ROBO1: variants seen among roughly 807,000 people sequenced by gnomAD.
The protein encoded by ROBO1 is roundabout homolog 1.
Under a neutral mutation model 195.9 loss-of-function variants are expected in ROBO1, and 149 were observed. The ratio of observed to expected loss-of-function variants is 0.76; its 90% CI spans 0.67 to 0.87. The LOEUF (loss-of-function observed/expected upper bound fraction) is 0.87. Ranked by LOEUF, ROBO1 falls within the 40% of genes least tolerant of loss-of-function variation. The pLI is 0.00. For synonymous variants in ROBO1, 816 were observed against 733.2 expected (o/e 1.11, Z -1.82); for missense variants, 1,933 against 2,068.3 (o/e 0.93, Z 1.27).
intron 2 of ROBO1, among the ~76,000 whole-genome samples, chr3:79,513,767 C>G (rs1025978181): frequency 4.0e-5 from 6 of 151,886 alleles, no homozygotes; most frequent in African/African-American, 1.5e-4. Flanking sequence ...TGTTGATATG[C>G]CAACTTCATT....
intron 2 of ROBO1, among the ~76,000 whole-genome samples, chr3:79,398,009 C>A (rs998382485): frequency 6.6e-6 from 1 of 152,142 alleles, no homozygotes; most frequent in African/African-American, 2.4e-5. Flanking sequence ...GAAAATATTT[C>A]TATTCTTCTT....
chr3:79,241,865 T>A (rs1200924395), intron 2 of ROBO1, among the ~76,000 whole-genome samples: 1 of 151,944 alleles, frequency 6.6e-6, no homozygotes, highest in Non-Finnish European at 1.5e-5. Flanking sequence ...AGTCTTGACC[T>A]CTACTCTTAT....
At chr3:79,377,854 A>C (rs1411384833) in intron 2 of ROBO1, among the ~76,000 whole-genome samples, 1 of 152,180 alleles carries the variant, frequency 6.6e-6, no homozygotes, top group Non-Finnish European at 1.5e-5. Context: ...GATAAACCTA[A>C]AACTATTTTG....
At chr3:79,061,108 T>C (rs2078909261) in intron 3 of ROBO1, among the ~76,000 whole-genome samples, 1 of 152,142 alleles carries the variant, frequency 6.6e-6, no homozygotes, top group South Asian at 2.1e-4. Flanking sequence ...AACCCCATCG[T>C]CTTGGCCCAA....
chr3:78,910,781 T>C (rs2038195963), intron 4 of ROBO1, among the ~76,000 whole-genome samples: 1 of 151,948 alleles, frequency 6.6e-6, no homozygotes, highest in African/African-American at 2.4e-5. Context: ...AAGATCACAG[T>C]TTTGAAAGGC....
At position 79,246,700 on chromosome 3, in the gene ROBO1, T is replaced by C. The variant is rs114184218; in HGVS notation, c.89-121161A>G. ...TTGTTTTGGCCTCATTTTTTCATGT[T>C]AAAATAAATAACAGTATGTTATATA... On this transcript the variant is annotated intron_variant, in intron 2 of 30. Coordinates refer to ENST00000464233, the MANE Select transcript of ROBO1 (RefSeq NM_002941.4). 4.0e-3 allele frequency among the ~76,000 whole-genome samples: 606 copies of C among 152,152 alleles called. 3 individuals carry two copies. The highest frequency in any genetic ancestry group is 0.014 in the African/African-American group (571 of 41,532).
At chr3:78,599,278 C>T (rs996459139) in intron 30 of ROBO1, among the ~76,000 whole-genome samples, 2 of 152,108 alleles carry the variant, frequency 1.3e-5, no homozygotes, top group Admixed American at 1.3e-4. Context: ...AACAGTAAGG[C>T]CATTCTGTTC....
intron 3 of ROBO1, among the ~76,000 whole-genome samples, chr3:79,112,648 A>G (rs898219007): frequency 1.3e-5 from 2 of 152,114 alleles, no homozygotes; most frequent in African/African-American, 2.4e-5. Flanking sequence ...TCAGCAAACT[A>G]TCACAAGGAC....
At position 78,633,572 on chromosome 3, in the gene ROBO1, G is replaced by T. The variant is rs537334062; in HGVS notation, c.3481+363C>A. Among the ~76,000 whole-genome samples, 3 of 152,234 alleles carry T rather than the reference G, an allele frequency of 2.0e-5. No individual in the cohort carries two copies. The South Asian group carries it at 6.2e-4, about 32-fold the overall frequency. On this transcript the variant is annotated intron_variant, in intron 24 of 30. Transcript: ENST00000464233. ...AAACATTATGTGCTTTTATAGGCTC[G>T]TTTCAAATGGCAACATATTTAGCAG...
chr3:78,738,730 A>C (rs2082452491), intron 5 of ROBO1, among the ~76,000 whole-genome samples: 1 of 152,132 alleles, frequency 6.6e-6, no homozygotes. Context: ...GTAAGGTAAA[A>C]ATCTTAAGAA....
intron 2 of ROBO1, among the ~76,000 whole-genome samples, chr3:79,135,713 C>A (rs899023344): frequency 2.6e-5 from 4 of 151,930 alleles, no homozygotes; most frequent in Non-Finnish European, 5.9e-5. Flanking sequence ...CCTCAGCTCA[C>A]CGCAACTTTC....
chr3:79,270,510 G>T (rs1240471437), intron 2 of ROBO1, among the ~76,000 whole-genome samples: 2 of 151,468 alleles, frequency 1.3e-5, no homozygotes, highest in African/African-American at 4.8e-5. Flanking sequence ...CCTAGCTAAA[G>T]GCAGTTTTTT....
At chr3:79,478,862 TA>T (rs1253610559) in intron 2 of ROBO1, among the ~76,000 whole-genome samples, 7 of 152,172 alleles carry the variant, frequency 4.6e-5, no homozygotes. Flanking sequence ...TTTTAACTGC[TA>T]GGTATGCAAT....
chr3:79,233,051 C>T (rs2082348152), intron 2 of ROBO1, among the ~76,000 whole-genome samples: 1 of 151,550 alleles, frequency 6.6e-6, no homozygotes, highest in Non-Finnish European at 1.5e-5. Flanking sequence ...AAAATAGCCC[C>T]TAAAAGAAAA....
intron 4 of ROBO1, among the ~76,000 whole-genome samples, chr3:78,800,385 G>A (rs2084329022): frequency 6.6e-6 from 1 of 152,056 alleles, no homozygotes; most frequent in Admixed American, 6.5e-5. Context: ...GACGAGTAAT[G>A]AACAATTTTA....
intron 29 of ROBO1, among the ~76,000 whole-genome samples, chr3:78,601,060 T>C (rs1575754819): frequency 6.6e-6 from 1 of 152,136 alleles, no homozygotes; most frequent in Admixed American, 6.6e-5. Context: ...CTACTTCTAC[T>C]GATGCATCAG....
intron 1 of ROBO1, among the ~76,000 whole-genome samples, chr3:79,639,946 G>A (rs1560061573): frequency 6.6e-6 from 1 of 152,282 alleles, no homozygotes; most frequent in South Asian, 2.1e-4. Context: ...TGCATCAGTA[G>A]CTTGTAAGAG....
At chr3:79,066,331 C>T (rs1003529613) in intron 3 of ROBO1, among the ~76,000 whole-genome samples, 2 of 151,852 alleles carry the variant, frequency 1.3e-5, no homozygotes, top group Non-Finnish European at 2.9e-5. Context: ...CGGCTGGCTA[C>T]ATGCTATTTC....
chr3:79,502,635 C>A (rs1432395166), intron 2 of ROBO1, among the ~76,000 whole-genome samples: 1 of 152,126 alleles, frequency 6.6e-6, no homozygotes, highest in Non-Finnish European at 1.5e-5. Flanking sequence ...GCGGGTAGCT[C>A]CACCTGCCGC....
Sources: gnomAD v4.1 joint callset for allele counts (sites outside exome capture counted in the v4.1 genomes callset) on GRCh38, gnomAD v4.1.1 for gene constraint, MANE v1.5 for transcripts, NCBI Gene and HGNC (gene_info 2026-07-23, HGNC 2026-07-21) for gene names.